Variants in MSH4 observed in about 807,000 individuals in gnomAD.
MSH4 encodes the protein mutS homolog 4.
MSH4 carries 106 observed loss-of-function variants against 113.7 expected under a neutral mutation model. The observed-to-expected ratio is 0.93, with a 90% confidence interval of 0.80 to 1.10. The LOEUF (loss-of-function observed/expected upper bound fraction) is 1.10, where lower values mean the gene tolerates loss of function less well. MSH4 is among the 50% of genes least tolerant of loss of function. The probability of loss-of-function intolerance (pLI) is 0.00; values close to 1 mark genes in which losing one functional copy is unlikely to be tolerated. For missense variants in MSH4, 1,061 were observed against 1,093.7 expected, an observed-to-expected ratio of 0.97 and a Z score of 0.42; for synonymous variants, 368 against 380.2, an observed-to-expected ratio of 0.97 and a Z score of 0.37.
At chr1:75,800,088 A>C (rs966007826) in intron 1 of MSH4, among the ~76,000 whole-genome samples, 4 of 152,152 alleles carry the variant, frequency 2.6e-5, no homozygotes, top group African/African-American at 9.7e-5. Context: ...AATGAGTTTC[A>C]AGAAAGGGTA....
At chr1:75,867,070 C>T (rs1202753295) in intron 8 of MSH4, among the ~76,000 whole-genome samples, 1 of 152,084 alleles carries the variant, frequency 6.6e-6, no homozygotes, top group Non-Finnish European at 1.5e-5. Context: ...AAAAGTTTTA[C>T]TTGAACAAAC....
At chr1:75,867,173 T>C (rs981665005) in intron 8 of MSH4, among the ~76,000 whole-genome samples, 1 of 152,226 alleles carries the variant, frequency 6.6e-6, no homozygotes, top group Non-Finnish European at 1.5e-5. Flanking sequence ...AAATACTCTT[T>C]GTGCCTTTTT....
chr1:75,888,877 A>G (rs984225894), intron 15 of MSH4, among the ~76,000 whole-genome samples: 5 of 150,902 alleles, frequency 3.3e-5, no homozygotes, highest in Non-Finnish European at 7.4e-5. Flanking sequence ...ATAACTTTGT[A>G]CAGTAGGTAG....
rs1262980909 is a variant in MSH4, at chr1:75,886,693, TA to T, written c.2108-2556del. Among the ~76,000 whole-genome samples, 5 of 132,144 alleles carry T rather than the reference TA, an allele frequency of 3.8e-5. No homozygotes were observed. The East Asian group carries it at 9.5e-4, about 25-fold the overall frequency. 86.7% of individuals were successfully genotyped at this position (132,144 alleles called of 152,430 possible). Reference sequence around the variant, plus strand: ...TATACATTATATACATTATAATGTATAATATATAAATATATTATATATAAAT... The same window carrying T: ...TATACATTATATACATTATAATGTATATATATAAATATATTATATATAAAT... On this transcript the variant is annotated intron_variant, in intron 15 of 19. Transcript: ENST00000263187.
At chr1:75,830,558 C>A (rs1024129014) in intron 7 of MSH4, among the ~76,000 whole-genome samples, 34 of 152,148 alleles carry the variant, frequency 2.2e-4, no homozygotes, top group African/African-American at 8.2e-4. Context: ...AGGTTACCCA[C>A]AAAGGGAAGC....
intron 7 of MSH4, among the ~76,000 whole-genome samples, chr1:75,828,976 C>A (rs775899372): frequency 2.0e-5 from 3 of 152,022 alleles, no homozygotes; most frequent in South Asian, 2.1e-4. Context: ...GCCCATGGAG[C>A]AGGGCAGGAC....
intron 6 of MSH4, 73 bp downstream of exon 6, chr1:75,816,619 G>A (rs548588482): frequency 3.1e-6 from 3 of 955,386 alleles, no homozygotes; most frequent in Non-Finnish European, 4.2e-6. Context: ...TAACTTTAAA[G>A]TTCTTTTTTT....
chr1:75,808,875 C>A (rs1185603945), intron 3 of MSH4, among the ~76,000 whole-genome samples: 2 of 152,152 alleles, frequency 1.3e-5, no homozygotes, highest in Non-Finnish European at 2.9e-5. Flanking sequence ...TTTGCATGAT[C>A]TATCAGGTAG....
At chr1:75,861,161 C>T (rs1347590359) in intron 8 of MSH4, among the ~76,000 whole-genome samples, 1 of 11,160 alleles carries the variant, frequency 9.0e-5, no homozygotes, top group Non-Finnish European at 1.7e-3. Flanking sequence ...AGCCATTCAT[C>T]TAACCTTTTT....
intron 1 of MSH4, among the ~76,000 whole-genome samples, chr1:75,800,541 G>A (rs1305848056): frequency 6.6e-6 from 1 of 152,048 alleles, no homozygotes; most frequent in African/African-American, 2.4e-5. Context: ...GAAGATACAG[G>A]CTTAAAATGG....
intron 8 of MSH4, among the ~76,000 whole-genome samples, chr1:75,864,855 A>G (rs1266596721): frequency 2.0e-5 from 3 of 152,280 alleles, no homozygotes; most frequent in Admixed American, 1.3e-4. Flanking sequence ...ACTTTTGTGC[A>G]GGAAGACTTC....
In MSH4 at chr1:75,797,082, T is replaced by C. The variant is rs1649830403; in HGVS notation, c.97T>C (p.Phe33Leu). The C allele has an allele frequency of 2.5e-6, 4 of 1,614,042 alleles. No individual in the cohort carries two copies. The highest frequency in any genetic ancestry group is 2.5e-6 in the Non-Finnish European group (3 of 1,179,926). Reference sequence around the variant, plus strand: ...CTCACCTCAGGGTCCCCGCTACAATTTCGGACTCCAGGAGACTCCACAGAG... The same window carrying C: ...CTCACCTCAGGGTCCCCGCTACAATCTCGGACTCCAGGAGACTCCACAGAG... The part of the protein sequence containing the change: ...TRSPQGPRYN[F>L]GLQETPQSRP... The change falls in exon 1 of 20, where the codon TTC becomes CTC. Residue 33 changes from phenylalanine to leucine, a missense_variant. Phe to Leu is a conservative substitution (Grantham distance 22, BLOSUM62 0). Transcript: ENST00000263187.
chr1:75,897,874 G>T, intron 17 of MSH4, 33 bp from the exon 18 acceptor site: 1 of 1,322,964 alleles, frequency 7.6e-7, no homozygotes, highest in Non-Finnish European at 9.9e-7. Context: ...AATTTTTAAA[G>T]TACTAATATT....
At chr1:75,898,832 T>C (rs1436121451) in intron 18 of MSH4, among the ~76,000 whole-genome samples, 4 of 152,202 alleles carry the variant, frequency 2.6e-5, no homozygotes, top group Non-Finnish European at 5.9e-5. Flanking sequence ...CATCTTTGTT[T>C]TGCTATTTGA....
Position 75,906,525 on chromosome 1 carries a change from AT to A in MSH4, c.2620-6169del, listed in dbSNP as rs1557534410. ...TATATATAATATATAATATGTATATATTATATATAATATATATAATATATAA... is the reference window on the plus strand; with the variant it reads ...TATATATAATATATAATATGTATATATATATATAATATATATAATATATAA... On this transcript the variant is annotated intron_variant, in intron 19 of 19. Coordinates refer to ENST00000263187, the MANE Select transcript of MSH4 (RefSeq NM_002440.4). Among the ~76,000 whole-genome samples the A allele has an allele frequency of 3.6e-5, 2 of 54,858 alleles. 1 individual carries two copies. Among genetic ancestry groups the A allele is most frequent in the Non-Finnish European group, 6.4e-5 (2 of 31,042 alleles). 36.0% of individuals were successfully genotyped at this position (54,858 alleles called of 152,430 possible). A position where few individuals can be genotyped will look rare whatever the true frequency, so the allele number is the denominator to read the frequency against.
In MSH4 at chr1:75,841,638, AT is replaced by A. The variant is rs1268412227; in HGVS notation, c.1163-6564del. On this transcript the variant is annotated intron_variant, in intron 7 of 19. Transcript: ENST00000263187. Reference sequence around the variant, plus strand: ...CCTTTTTATAATGCTAAGGAGTTTAATTTTTTTCCTTCAGGCAATATGGAGC... The same window carrying A: ...CCTTTTTATAATGCTAAGGAGTTTAATTTTTTCCTTCAGGCAATATGGAGC... 6.6e-5 allele frequency among the ~76,000 whole-genome samples: 10 copies of A among 152,234 alleles called. No homozygotes were observed. In the South Asian group the frequency reaches 2.1e-3, roughly 32 times the overall value.
chr1:75,856,519 T>G (rs573515242), intron 8 of MSH4, among the ~76,000 whole-genome samples: 1 of 152,324 alleles, frequency 6.6e-6, no homozygotes, highest in African/African-American at 2.4e-5. Context: ...CTCCCACTTA[T>G]GAGTGAGAAC....
intron 7 of MSH4, among the ~76,000 whole-genome samples, chr1:75,822,922 C>T (rs1004565460): frequency 2.6e-5 from 4 of 152,026 alleles, no homozygotes; most frequent in African/African-American, 7.2e-5. Context: ...TAATTATCAA[C>T]GGATAGGATA....
At chr1:75,882,766 C>A (rs891010981) in intron 14 of MSH4, among the ~76,000 whole-genome samples, 1 of 151,470 alleles carries the variant, frequency 6.6e-6, no homozygotes, top group East Asian at 1.9e-4. Context: ...TGGCTTGAGC[C>A]CAGGAGTTTG....
Sources: gnomAD v4.1 joint callset for allele counts (sites outside exome capture counted in the v4.1 genomes callset) on GRCh38, gnomAD v4.1.1 for gene constraint, MANE v1.5 for transcripts, NCBI Gene and HGNC (gene_info 2026-07-23, HGNC 2026-07-21) for gene names.